The following BNC2 variants were observed in gnomAD, a reference collection of about 807,000 sequenced individuals.
The protein encoded by BNC2 is zinc finger protein basonuclin-2.
In BNC2, 20 loss-of-function variants were observed where a neutral mutation model predicts 76.3. The observed-to-expected ratio is 0.26, with a 90% CI of 0.18 to 0.38. The LOEUF (loss-of-function observed/expected upper bound fraction) is 0.38. Ranked by LOEUF, BNC2 falls within the 10% of genes least tolerant of loss-of-function variation. The pLI is 1.00. For synonymous variants in BNC2, 582 were observed against 514.8 expected (o/e 1.13, Z -1.77); for missense variants, 1,382 against 1,399.8 (o/e 0.99, Z 0.20).
intron 3 of BNC2, among the ~76,000 whole-genome samples, chr9:16,692,889 G>T (rs531743717): frequency 1.2e-4 from 18 of 152,024 alleles, no homozygotes; most frequent in African/African-American, 4.3e-4. Flanking sequence ...CAGCACTTTG[G>T]GGGGCCAAGG....
chr9:16,856,126 C>T (rs1819249623), intron 1 of BNC2, among the ~76,000 whole-genome samples: 1 of 152,102 alleles, frequency 6.6e-6, no homozygotes, highest in African/African-American at 2.4e-5. Context: ...AATGAAAGTA[C>T]ATTAATGGTA....
At chr9:16,690,933 T>TC (rs1371210630) in intron 3 of BNC2, among the ~76,000 whole-genome samples, 2 of 151,928 alleles carry the variant, frequency 1.3e-5, no homozygotes. Flanking sequence ...CTCTTGCTCT[T>TC]CCCTCAGGAG....
At chr9:16,512,808 A>G (rs981783739) in intron 5 of BNC2, among the ~76,000 whole-genome samples, 5 of 152,094 alleles carry the variant, frequency 3.3e-5, no homozygotes, top group African/African-American at 7.3e-5. Context: ...GGCATAAAGC[A>G]TAACTTTCTT....
intron 1 of BNC2, among the ~76,000 whole-genome samples, chr9:16,834,822 T>A (rs1818664950): frequency 6.6e-6 from 1 of 152,156 alleles, no homozygotes; most frequent in Non-Finnish European, 1.5e-5. Flanking sequence ...TAGTGCAGTA[T>A]GAAAACAGAT....
At chr9:16,586,616 C>G (rs1336752684) in intron 3 of BNC2, among the ~76,000 whole-genome samples, 22 of 152,216 alleles carry the variant, frequency 1.4e-4, no homozygotes, top group Admixed American at 1.4e-3. Flanking sequence ...CTCTCTCTCT[C>G]TCTCCACTGT....
chr9:16,772,706 A>G (rs1303218797), intron 1 of BNC2, among the ~76,000 whole-genome samples: 1 of 152,204 alleles, frequency 6.6e-6, no homozygotes, highest in Non-Finnish European at 1.5e-5. Flanking sequence ...TTCAAGCCCA[A>G]CAAATTGAAG....
At chr9:16,843,892 G>T (rs890906017) in intron 1 of BNC2, among the ~76,000 whole-genome samples, 7 of 152,208 alleles carry the variant, frequency 4.6e-5, no homozygotes, top group African/African-American at 1.2e-4. Flanking sequence ...TGCCAGAACT[G>T]ATAATGCCAT....
At chr9:16,723,904 A>C (rs1309141471) in intron 3 of BNC2, among the ~76,000 whole-genome samples, 1 of 152,102 alleles carries the variant, frequency 6.6e-6, no homozygotes, top group Admixed American at 6.5e-5. Flanking sequence ...TATTTGCATG[A>C]AGTTAAATAA....
intron 3 of BNC2, among the ~76,000 whole-genome samples, chr9:16,658,608 T>C (rs188503446): frequency 1.3e-5 from 2 of 152,316 alleles, no homozygotes; most frequent in Admixed American, 1.3e-4. Flanking sequence ...TTAACAATTC[T>C]CTTATCCTTC....
intron 5 of BNC2, among the ~76,000 whole-genome samples, chr9:16,526,535 G>A (rs1003836990): frequency 2.5e-5 from 3 of 120,002 alleles, no homozygotes; most frequent in Non-Finnish European, 4.8e-5. Context: ...CCTGAGCCAC[G>A]TCTGAAGAAA....
intron 3 of BNC2, chr9:16,727,463 T>G: frequency 3.7e-6 from 1 of 271,330 alleles, no homozygotes. Flanking sequence ...GATACATTTG[T>G]TGGGAGGTGG....
At position 16,581,704 on chromosome 9, in the gene BNC2, A is replaced by G. The variant is rs145352813; in HGVS notation, c.433+1279T>C. On this transcript the variant is annotated intron_variant, in intron 4 of 6. Coordinates refer to ENST00000380672, the MANE Select transcript of BNC2 (RefSeq NM_017637.6). ...TATGGCAGCCCTAGCAAACTAATATATGAAGAGAGACGAAATCATTGAATG... is the reference window on the plus strand; with the variant it reads ...TATGGCAGCCCTAGCAAACTAATATGTGAAGAGAGACGAAATCATTGAATG... Among the ~76,000 whole-genome samples the G allele has an allele frequency of 2.3e-3, 357 of 152,304 alleles. 3 individuals are homozygous for G. Among genetic ancestry groups the G allele is most frequent in the Non-Finnish European group, 2.8e-3 (188 of 68,026 alleles).
At chr9:16,829,445 G>A (rs1277891179) in intron 1 of BNC2, among the ~76,000 whole-genome samples, 1 of 152,072 alleles carries the variant, frequency 6.6e-6, no homozygotes, top group Non-Finnish European at 1.5e-5. Flanking sequence ...TTTTGATGGT[G>A]GTGGTGTTCC....
intron 5 of BNC2, among the ~76,000 whole-genome samples, chr9:16,531,240 C>G (rs1321746890): frequency 6.6e-6 from 1 of 152,136 alleles, no homozygotes; most frequent in African/African-American, 2.4e-5. Flanking sequence ...CACTCCAGGG[C>G]TACTTAAACC....
At chr9:16,525,480 C>A (rs1387656882) in intron 5 of BNC2, among the ~76,000 whole-genome samples, 1 of 152,126 alleles carries the variant, frequency 6.6e-6, no homozygotes, top group Non-Finnish European at 1.5e-5. Flanking sequence ...ACAGAAATGA[C>A]TGATAATCAT....
At chr9:16,755,467 T>C (rs1005859625) in intron 1 of BNC2, among the ~76,000 whole-genome samples, 8 of 152,188 alleles carry the variant, frequency 5.3e-5, no homozygotes, top group African/African-American at 1.9e-4. Flanking sequence ...TGTCGACCAC[T>C]GCTGCGCTTA....
chr9:16,513,421 C>T (rs1286622702), intron 5 of BNC2, among the ~76,000 whole-genome samples: 1 of 151,130 alleles, frequency 6.6e-6, no homozygotes, highest in Non-Finnish European at 1.5e-5. Flanking sequence ...ATTCTCCTGC[C>T]TCAGCCTCCC....
chr9:16,753,553 C>T (rs1420483551), intron 1 of BNC2, among the ~76,000 whole-genome samples: 2 of 152,168 alleles, frequency 1.3e-5, no homozygotes, highest in African/African-American at 4.8e-5. Flanking sequence ...TTCACTATTG[C>T]ATCAAAACAA....
At chr9:16,557,953 T>C (rs946152898) in intron 4 of BNC2, among the ~76,000 whole-genome samples, 2 of 151,984 alleles carry the variant, frequency 1.3e-5, no homozygotes, top group African/African-American at 4.8e-5. Flanking sequence ...CTCCATCTCC[T>C]GGGACTCAGT....
Sources: allele counts gnomAD v4.1 joint callset (sites outside exome capture counted in the v4.1 genomes callset), GRCh38; gene constraint gnomAD v4.1.1; transcripts MANE v1.5; gene names NCBI Gene and HGNC (gene_info 2026-07-23, HGNC 2026-07-21).